Variants in CRHR2 observed in about 807,000 individuals in gnomAD.
CRHR2 encodes the protein corticotropin-releasing hormone receptor 2.
Under a neutral mutation model 57.9 loss-of-function variants are expected in CRHR2, and 53 were observed. That is an observed-to-expected ratio of 0.92 (90% confidence interval 0.73 to 1.15). The LOEUF is 1.15. CRHR2 is among the 50% of genes most tolerant of loss of function. The pLI, the probability that CRHR2 is intolerant of heterozygous loss-of-function variation, is 0.00. For synonymous variants in CRHR2, 213 were observed against 220.9 expected (o/e 0.96, Z 0.32); for missense variants, 532 against 542.6 (o/e 0.98, Z 0.19).
chr7:30,663,084 T>C (rs1365892373), intron 5 of CRHR2, among the ~76,000 whole-genome samples: 1 of 152,234 alleles, frequency 6.6e-6, no homozygotes, highest in Non-Finnish European at 1.5e-5. Context: ...TTAACTTCTC[T>C]CTAACTCTTT....
intron 2 of CRHR2, among the ~76,000 whole-genome samples, chr7:30,671,380 T>G (rs1214358528): frequency 1.3e-5 from 2 of 151,976 alleles, no homozygotes; most frequent in East Asian, 3.9e-4. Flanking sequence ...CATGAGGGAC[T>G]ACTTTTGGTG....
In CRHR2 at chr7:30,696,387, C is replaced by G. The variant is rs61503185; in HGVS notation, c.-261+3557G>C. 4.6e-3 allele frequency among the ~76,000 whole-genome samples: 693 copies of G among 152,044 alleles called. 8 individuals are homozygous for G. Among genetic ancestry groups the G allele is most frequent in the African/African-American group, 0.016 (657 of 41,456 alleles). On this transcript the variant is annotated intron_variant, in intron 1 of 13. Transcript: ENST00000341843. Reference sequence around the variant, plus strand: ...CCTGTATCAAAATATCTCATGTATCCCACAAATATATATACCTACTATGTA... The same window carrying G: ...CCTGTATCAAAATATCTCATGTATCGCACAAATATATATACCTACTATGTA...
rs372257650 is a variant in CRHR2 at position 30,662,574 on chromosome 7, C to T, written c.697+120G>A. 207 of 1,250,294 alleles carry T rather than the reference C, an allele frequency of 1.7e-4. 1 individual carries two copies. In the African/African-American group the frequency reaches 2.0e-3, roughly 12 times the overall value. 77.5% of individuals were successfully genotyped at this position (1,250,294 alleles called of 1,614,324 possible). ...CATGGAGGGAAGTAGCTGCATCCAC[C>T]GGACTGCGCTGGGGGTGGAGGGCAG... On this transcript the variant is annotated intron_variant, in intron 6 of 11. Transcript: ENST00000471646.
intron 2 of CRHR2, among the ~76,000 whole-genome samples, chr7:30,670,261 A>G (rs192887461): frequency 3.9e-5 from 6 of 152,326 alleles, no homozygotes; most frequent in Admixed American, 3.3e-4. Flanking sequence ...TTGTGTCACA[A>G]TCCATAGTTT....
intron 2 of CRHR2, among the ~76,000 whole-genome samples, chr7:30,675,515 C>T (rs1201859555): frequency 6.6e-6 from 1 of 152,262 alleles, no homozygotes; most frequent in Non-Finnish European, 1.5e-5. Flanking sequence ...GCCGCTGTCT[C>T]TAAAGCCAGC....
chr7:30,656,090 C>T lies in CRHR2; in HGVS notation c.832-78G>A. 1.5e-6 allele frequency: 2 copies of T among 1,345,838 alleles called. No individual in the cohort carries two copies. Among genetic ancestry groups the T allele is most frequent in the Non-Finnish European group, 1.1e-6 (1 of 944,756 alleles). The allele number at this position is 1,345,838 out of a possible 1,614,324, so 83.4% of individuals were successfully genotyped here. A position where few individuals can be genotyped will look rare whatever the true frequency, so the allele number is the denominator to read the frequency against. ...AGATGAGCCGAGAGGCAGCCCCCTT[C>T]CCCGCAGACCCCTGGAAACCGATGT... On this transcript the variant is annotated intron_variant, in intron 8 of 11. Coordinates refer to ENST00000471646, the MANE Select transcript of CRHR2 (RefSeq NM_001883.5). This position sits in a 1 kb window ranked among gnomAD's most constrained non-coding sequence, Gnocchi z 4.4.
In CRHR2 at chr7:30,655,310, T is replaced by G. The variant is rs543266276; in HGVS notation, c.1054-230A>C. Among the ~76,000 whole-genome samples the G allele has an allele frequency of 6.6e-4, 101 of 152,254 alleles. 1 individual carries two copies. The highest frequency in any genetic ancestry group is 2.4e-3 in the African/African-American group (101 of 41,534). On this transcript the variant is annotated intron_variant, in intron 10 of 11. Coordinates refer to ENST00000471646, the MANE Select transcript of CRHR2 (RefSeq NM_001883.5). ...AGGCAGACTCCGGTCTCCTCAATATTGTGTGACCTGTCCCAGGGCATTTGG... is the reference window on the plus strand; with the variant it reads ...AGGCAGACTCCGGTCTCCTCAATATGGTGTGACCTGTCCCAGGGCATTTGG...
Position 30,665,776 on chromosome 7 carries a change from T to C in CRHR2, c.316-137A>G, listed in dbSNP as rs1784168060. The C allele has an allele frequency of 1.5e-6, 1 of 679,750 alleles. No individual in the cohort carries two copies. Among genetic ancestry groups the C allele is most frequent in the Non-Finnish European group, 2.5e-6 (1 of 395,674 alleles). The allele number at this position is 679,750 out of a possible 1,614,324, so 42.1% of individuals were successfully genotyped here. On this transcript the variant is annotated intron_variant, in intron 3 of 11. Coordinates refer to ENST00000471646, the MANE Select transcript of CRHR2 (RefSeq NM_001883.5). This position sits in a 1 kb window ranked among gnomAD's most constrained non-coding sequence, Gnocchi z 4.5. ...CAGGTGTCATTGCCGTGCCTGGCTC[T>C]TAGGGTTCGTTCCTGTTGGCCCTGG... is the stretch of plus-strand genomic sequence containing the variant.
At chr7:30,681,506 G>A (rs891471570) in intron 2 of CRHR2, among the ~76,000 whole-genome samples, 1 of 152,168 alleles carries the variant, frequency 6.6e-6, no homozygotes, top group Non-Finnish European at 1.5e-5. Flanking sequence ...TGGGGGATTT[G>A]GGACTTAGCA....
chr7:30,682,058 C>G lies in CRHR2; in HGVS notation c.104-18G>C, dbSNP rs200774304. The G allele has an allele frequency of 1.9e-6, 3 of 1,568,610 alleles. No individual in the cohort carries two copies. The highest frequency in any genetic ancestry group is 2.7e-5 in the African/African-American group (2 of 73,840). On this transcript the variant is annotated intron_variant, in intron 1 of 11. Transcript: ENST00000471646. ...GTAGGGACCTGGCGGCGGGAGAGAG[C>G]GCAGTAGGGCTCAGAGGGGCCCGCA...
At position 30,653,300 on chromosome 7, in the gene CRHR2, G is replaced by T; in HGVS notation, c.*160C>A. On this transcript the variant is annotated 3_prime_UTR_variant, in exon 12 of 12. Transcript: ENST00000471646. The surrounding 1 kb of genome is among the most constrained non-coding windows in gnomAD (Gnocchi z 5.0). ...TGGCCCCCACTCATCCCTGTCCCTTGCAGTCCCCCTTGGCTGCCGCACCCC... is the reference window on the plus strand; with the variant it reads ...TGGCCCCCACTCATCCCTGTCCCTTTCAGTCCCCCTTGGCTGCCGCACCCC... The T allele has an allele frequency of 9.6e-7, 1 of 1,045,886 alleles. No homozygotes were observed. The highest frequency in any genetic ancestry group is 1.4e-6 in the Non-Finnish European group (1 of 723,906). The allele number at this position is 1,045,886 out of a possible 1,614,324, so 64.8% of individuals were successfully genotyped here. A position where few individuals can be genotyped will look rare whatever the true frequency, so the allele number is the denominator to read the frequency against.
intron 8 of CRHR2, among the ~76,000 whole-genome samples, chr7:30,659,677 A>G (rs1293146622): frequency 6.6e-6 from 1 of 152,254 alleles, no homozygotes; most frequent in Non-Finnish European, 1.5e-5. Context: ...TGGAGGTCAA[A>G]TGAAACCCGA....
chr7:30,689,075 AG>A, intron 2 of CRHR2: 1 of 906,970 alleles, frequency 1.1e-6, no homozygotes, highest in Non-Finnish European at 1.8e-6. Context: ...ACTGGAAACC[AG>A]CACCCCACCC....
At chr7:30,678,507 T>G (rs1784592071) in intron 2 of CRHR2, among the ~76,000 whole-genome samples, 1 of 152,188 alleles carries the variant, frequency 6.6e-6, no homozygotes, top group African/African-American at 2.4e-5. Context: ...TCCCTTCCCT[T>G]GGCCCTGCTG....
At chr7:30,686,155 C>T (rs1386767333), upstream of CRHR2, among the ~76,000 whole-genome samples, 1 of 152,234 alleles carries the variant, frequency 6.6e-6, no homozygotes, top group Non-Finnish European at 1.5e-5. Flanking sequence ...TGTATTTCTG[C>T]ACTGGAAATG....
At chr7:30,671,635 C>CAAAAAAAAAAAAAAAAAAAAAAAAAAAA (rs11305836) in intron 2 of CRHR2, among the ~76,000 whole-genome samples, 1 of 104,956 alleles carries the variant, frequency 9.5e-6, no homozygotes, top group Non-Finnish European at 2.0e-5. Context: ...CCCCATCTCT[C>CAAAAAAAAAAAAAAAAAAAAAAAAAAAA]AAAAAAAAAA....
chr7:30,674,278 G>A (rs771838756), intron 2 of CRHR2, among the ~76,000 whole-genome samples: 1 of 152,206 alleles, frequency 6.6e-6, no homozygotes, highest in Non-Finnish European at 1.5e-5. Flanking sequence ...GAGAGGGGCA[G>A]TGGGAGGAGG....
intron 2 of CRHR2, among the ~76,000 whole-genome samples, chr7:30,680,859 T>C (rs1784676874): frequency 6.7e-6 from 1 of 150,306 alleles, no homozygotes; most frequent in Admixed American, 6.7e-5. Flanking sequence ...TGTGTGTATG[T>C]GTGGTGGAGG....
chr7:30,671,065 A>T (rs1202876069), intron 2 of CRHR2, among the ~76,000 whole-genome samples: 2 of 152,184 alleles, frequency 1.3e-5, no homozygotes, highest in Non-Finnish European at 2.9e-5. Flanking sequence ...CCTGGCTGGG[A>T]CATGAGACCC....
Sources: allele counts gnomAD v4.1 joint callset (sites outside exome capture counted in the v4.1 genomes callset), GRCh38; gene constraint gnomAD v4.1.1; non-coding constraint Gnocchi (gnomAD v3.1); transcripts MANE v1.5; gene names NCBI Gene and HGNC (gene_info 2026-07-23, HGNC 2026-07-21).